The following RAP2C variants were observed in gnomAD, a reference collection of about 807,000 sequenced individuals.
The protein encoded by RAP2C is RAP2C, member of RAS oncogene family.
RAP2C carries 3 observed loss-of-function variants against 8.9 expected under a neutral mutation model. That is an observed-to-expected ratio of 0.34 (90% CI 0.15 to 0.87). The LOEUF is 0.87. RAP2C is among the 40% of genes least tolerant of loss of function. RAP2C has a pLI of 0.51. For missense variants in RAP2C, 76 were observed against 133.7 expected (o/e 0.57, Z 2.13); for synonymous variants, 60 against 52.1 (o/e 1.15, Z -0.65).
chrX:132,203,643 G>A lies in RAP2C; in HGVS notation c.*1979C>T, dbSNP rs1930189065. ...AAATTTAAATCATGATGAATTATTT[G>A]ATTCCTTTAGAATTTCACAAAGCCA... On this transcript the variant is annotated 3_prime_UTR_variant, in exon 6 of 6. Coordinates refer to ENST00000370874, the MANE Select transcript of RAP2C (RefSeq NM_001271186.2). 9.0e-6 allele frequency: 1 copy of A among 110,600 alleles called. No homozygotes were observed. Among genetic ancestry groups the A allele is most frequent in the Non-Finnish European group, 1.9e-5 (1 of 52,702 alleles). 9.1% of individuals were successfully genotyped at this position (110,600 alleles called of 1,213,427 possible).
At position 132,203,666 on chromosome X, in the gene RAP2C, C is replaced by T. The variant is rs1380872511; in HGVS notation, c.*1956G>A. ...TTGATTCCTTTAGAATTTCACAAAG[C>T]CACAAAGCTAATAACAATGATCCAT... On this transcript the variant is annotated 3_prime_UTR_variant, in exon 6 of 6. Coordinates refer to ENST00000370874, the MANE Select transcript of RAP2C (RefSeq NM_001271186.2). 9.0e-6 allele frequency: 1 copy of T among 111,012 alleles called. No homozygotes were observed. The highest frequency in any genetic ancestry group is 3.3e-5 in the African/African-American group (1 of 30,459). 9.1% of individuals were successfully genotyped at this position (111,012 alleles called of 1,213,427 possible).
At chrX:132,210,557 G>A (rs1365121368) in intron 5 of RAP2C, among the ~76,000 whole-genome samples, 1 of 111,659 alleles carries the variant, frequency 9.0e-6, no homozygotes, top group Non-Finnish European at 1.9e-5. Context: ...AACTGGGGCT[G>A]ACATAAATAA....
chrX:132,218,439 C>T (rs1930740389), intron 1 of RAP2C, 98 bp from the exon 2 acceptor site: 1 of 110,659 alleles, frequency 9.0e-6, no homozygotes, highest in Non-Finnish European at 1.9e-5. Flanking sequence ...GCCGCCCGGC[C>T]CTAGGACTTG....
chrX:132,216,420 C>G (rs1264151038), intron 4 of RAP2C, among the ~76,000 whole-genome samples: 1 of 111,011 alleles, frequency 9.0e-6, no homozygotes, highest in Non-Finnish European at 1.9e-5. Context: ...TCCTACTACA[C>G]GCCCCAAGTA....
chrX:132,205,811 G>A (rs1278468855), intron 5 of RAP2C, among the ~76,000 whole-genome samples: 1 of 110,163 alleles, frequency 9.1e-6, no homozygotes, highest in African/African-American at 3.3e-5. Context: ...GTGTGTGCGT[G>A]TGTGTAGCTA....
chrX:132,208,417 ACTT>A (rs1298725574), intron 5 of RAP2C, among the ~76,000 whole-genome samples: 1 of 110,942 alleles, frequency 9.0e-6, no homozygotes, highest in African/African-American at 3.3e-5. Context: ...TAACCAAAAT[ACTT>A]TTTTTGAAAA....
chrX:132,212,045 GA>G (rs1392699554), intron 5 of RAP2C, among the ~76,000 whole-genome samples: 1,366 of 99,550 alleles, frequency 0.014, 20 homozygotes, highest in African/African-American at 0.038. Context: ...TTTGATGTCA[GA>G]AAAAAAAAAA....
Position 132,217,745 on chromosome X carries a change from C to G in RAP2C, c.-477G>C, listed in dbSNP as rs1378039160. ...CCAGCCGGCTCAGGCCTGAGGGCTCCGTTCCAGTTACCGCTGCCCGGGCGG... is the reference window on the plus strand; with the variant it reads ...CCAGCCGGCTCAGGCCTGAGGGCTCGGTTCCAGTTACCGCTGCCCGGGCGG... On this transcript the variant is annotated 5_prime_UTR_variant, in exon 4 of 6. Transcript: ENST00000370874. 1 of 114,553 alleles carries G rather than the reference C, an allele frequency of 8.7e-6. No homozygotes were observed. The highest frequency in any genetic ancestry group is 2.8e-4 in the East Asian group (1 of 3,565). The allele number at this position is 114,553 out of a possible 1,213,427, so 9.4% of individuals were successfully genotyped here.
rs184115497 is a variant in RAP2C at position 132,204,362 on chromosome X, C to T, written c.*1260G>A. 34 of 112,415 alleles carry T rather than the reference C, an allele frequency of 3.0e-4. No homozygotes were observed. In the East Asian group the frequency reaches 8.7e-3, roughly 29 times the overall value. The allele number at this position is 112,415 out of a possible 1,213,427, so 9.3% of individuals were successfully genotyped here. On this transcript the variant is annotated 3_prime_UTR_variant, in exon 6 of 6. Coordinates refer to ENST00000370874, the MANE Select transcript of RAP2C (RefSeq NM_001271186.2). ...CCAAAATATTACTCTGCATAAGTTT[C>T]CTTTCTGATTCTACACCTGCGTTAC...
chrX:132,218,104 A>AC (rs1930710095), intron 2 of RAP2C, 92 bp from the exon 3 acceptor site: 5 of 10,126 alleles, frequency 4.9e-4, no homozygotes, highest in African/African-American at 2.4e-3. Flanking sequence ...CCCACCCCCC[A>AC]CCCCCACCCC....
In RAP2C at chrX:132,204,992, A is replaced by C. The variant is rs770374022; in HGVS notation, c.*630T>G. 3.1e-4 allele frequency: 34 copies of C among 110,315 alleles called. No homozygotes were observed. Among genetic ancestry groups the C allele is most frequent in the Non-Finnish European group, 2.5e-4 (13 of 52,635 alleles). 9.1% of individuals were successfully genotyped at this position (110,315 alleles called of 1,213,427 possible). On this transcript the variant is annotated 3_prime_UTR_variant, in exon 6 of 6. Coordinates refer to ENST00000370874, the MANE Select transcript of RAP2C (RefSeq NM_001271186.2). ...AACATGTTAATTACAAAAAAAAAAA[A>C]AAAAAAACAAAACACATCACAAACT...
rs1930195538 is a variant in RAP2C, at chrX:132,203,846, A to C, written c.*1776T>G. 1 of 112,329 alleles carries C rather than the reference A, an allele frequency of 8.9e-6. No individual in the cohort carries two copies. The highest frequency in any genetic ancestry group is 3.2e-5 in the African/African-American group (1 of 30,890). 9.3% of individuals were successfully genotyped at this position (112,329 alleles called of 1,213,427 possible). On this transcript the variant is annotated 3_prime_UTR_variant, in exon 6 of 6. Transcript: ENST00000370874. ...ATCTCACCATAAAATTCAAAATTTA[A>C]GAACAAGAGTTCACTTTGAGGGAAT...
In RAP2C at chrX:132,203,811, T is replaced by G. The variant is rs976393865; in HGVS notation, c.*1811A>C. ...TAAGGAACAATGTTTCAATTGCCTCTATCTTTACAATCTCACCATAAAATT... is the reference window on the plus strand; with the variant it reads ...TAAGGAACAATGTTTCAATTGCCTCGATCTTTACAATCTCACCATAAAATT... On this transcript the variant is annotated 3_prime_UTR_variant, in exon 6 of 6. Coordinates refer to ENST00000370874, the MANE Select transcript of RAP2C (RefSeq NM_001271186.2). The G allele has an allele frequency of 2.7e-5, 3 of 112,207 alleles. No individual in the cohort carries two copies. Among genetic ancestry groups the G allele is most frequent in the Non-Finnish European group, 5.6e-5 (3 of 53,112 alleles). The allele number at this position is 112,207 out of a possible 1,213,427, so 9.2% of individuals were successfully genotyped here.
At chrX:132,218,965 C>A (rs1457950982) in intron 1 of RAP2C, 2 of 112,463 alleles carry the variant, frequency 1.8e-5, no homozygotes, top group Non-Finnish European at 1.9e-5. Flanking sequence ...GTTTTAAAGG[C>A]CATCCTATGT....
rs1930690322 is a variant in RAP2C, at chrX:132,217,992, C to CT, written c.-616dup. The CT allele has an allele frequency of 8.9e-6, 1 of 111,890 alleles. No individual in the cohort carries two copies. Among genetic ancestry groups the CT allele is most frequent in the African/African-American group, 3.2e-5 (1 of 30,849 alleles). The allele number at this position is 111,890 out of a possible 1,213,427, so 9.2% of individuals were successfully genotyped here. A position where few individuals can be genotyped will look rare whatever the true frequency, so the allele number is the denominator to read the frequency against. On this transcript the variant is annotated 5_prime_UTR_variant, in exon 3 of 6. Coordinates refer to ENST00000370874, the MANE Select transcript of RAP2C (RefSeq NM_001271186.2). ...CATGGCCACCCGCTGGCTCCTCTGT[C>CT]TCTCCGCTGCCCCAGCGCTGCTGCT...
intron 5 of RAP2C, among the ~76,000 whole-genome samples, chrX:132,206,967 T>C (rs1377220986): frequency 1.8e-5 from 2 of 112,280 alleles, no homozygotes; most frequent in Non-Finnish European, 3.8e-5. Context: ...ACAGGGTTGT[T>C]GTAAATTTGT....
At chrX:132,216,876 G>A in intron 4 of RAP2C, 120 bp downstream of exon 4, 1 of 702,783 alleles carries the variant, frequency 1.4e-6, no homozygotes. Context: ...CCTCAAAAAT[G>A]CGTCATGTCT....
intron 5 of RAP2C, among the ~76,000 whole-genome samples, chrX:132,213,373 A>T (rs1401113369): frequency 3.6e-5 from 4 of 110,974 alleles, no homozygotes; most frequent in Non-Finnish European, 5.7e-5. Context: ...TATGAGTTTT[A>T]AAAAAAAACT....
rs58119368 is a variant in RAP2C at position 132,204,980 on chromosome X, C to CAAAAAAAAA, written c.*633_*641dup. On this transcript the variant is annotated 3_prime_UTR_variant, in exon 6 of 6. Coordinates refer to ENST00000370874, the MANE Select transcript of RAP2C (RefSeq NM_001271186.2). ...TGTAACCTTCAGAACATGTTAATTA[C>CAAAAAAAAA]AAAAAAAAAAAAAAAAAAACAAAAC... 3 of 51,669 alleles carry CAAAAAAAAA rather than the reference C, an allele frequency of 5.8e-5. No homozygotes were observed. The highest frequency in any genetic ancestry group is 7.4e-5 in the Non-Finnish European group (2 of 27,148). The allele number at this position is 51,669 out of a possible 1,213,427, so 4.3% of individuals were successfully genotyped here.
Sources: gnomAD v4.1 joint callset for allele counts (sites outside exome capture counted in the v4.1 genomes callset) on GRCh38, gnomAD v4.1.1 for gene constraint, MANE v1.5 for transcripts, NCBI Gene and HGNC (gene_info 2026-07-23, HGNC 2026-07-21) for gene names.